The following CCSER1 variants were observed in gnomAD, a reference collection of about 807,000 sequenced individuals.
CCSER1 encodes the protein coiled-coil serine rich protein 1, also known as serine-rich coiled-coil domain-containing protein 1.
A neutral mutation model predicts 82.0 loss-of-function variants in CCSER1; 41 were observed. The ratio of observed to expected loss-of-function variants is 0.50; its 90% confidence interval spans 0.39 to 0.65. The LOEUF (loss-of-function observed/expected upper bound fraction) is 0.65, where lower values mean the gene tolerates loss of function less well. Among genes scored for constraint, CCSER1 ranks in the 30% least tolerant of loss-of-function variants. The pLI is 0.00. For synonymous variants in CCSER1, 414 were observed against 383.9 expected, an observed-to-expected ratio of 1.08 and a Z score of -0.92; for missense variants, 1,119 against 1,064.2, an observed-to-expected ratio of 1.05 and a Z score of -0.72.
chr4:91,593,823 T>C (rs2110346774), intron 10 of CCSER1, among the ~76,000 whole-genome samples: 1 of 152,320 alleles, frequency 6.6e-6, no homozygotes, highest in African/African-American at 2.4e-5. Context: ...GAATGTGGTT[T>C]ATTTGTTTTA....
chr4:90,807,669 T>C (rs1454342), intron 7 of CCSER1, among the ~76,000 whole-genome samples: 92,439 of 150,278 alleles, frequency 0.62, 28,761 homozygotes, highest in African/African-American at 0.71. Flanking sequence ...AAAAAACTTA[T>C]GAATATACTT....
intron 10 of CCSER1, among the ~76,000 whole-genome samples, chr4:91,314,990 T>C (rs1302779330): frequency 3.9e-5 from 6 of 151,900 alleles, no homozygotes; most frequent in African/African-American, 9.7e-5. Flanking sequence ...AGCCAGATAC[T>C]ACTGTGGGCA....
chr4:90,132,351 T>G (rs746763307), intron 1 of CCSER1, among the ~76,000 whole-genome samples: 1 of 152,168 alleles, frequency 6.6e-6, no homozygotes, highest in Non-Finnish European at 1.5e-5. Flanking sequence ...TGCTTTATAG[T>G]GAGTACATAC....
At chr4:90,712,516 T>C (rs1250301917) in intron 6 of CCSER1, among the ~76,000 whole-genome samples, 1 of 152,096 alleles carries the variant, frequency 6.6e-6, no homozygotes, top group Non-Finnish European at 1.5e-5. Flanking sequence ...TTTTATGATT[T>C]AAAATCTTTT....
chr4:91,588,007 G>T (rs1256976609), intron 10 of CCSER1, among the ~76,000 whole-genome samples: 1 of 151,298 alleles, frequency 6.6e-6, no homozygotes, highest in Non-Finnish European at 1.5e-5. Flanking sequence ...GAAAATAATT[G>T]ACAATAAAAT....
chr4:90,202,743 A>G (rs904647556), intron 1 of CCSER1, among the ~76,000 whole-genome samples: 1 of 152,330 alleles, frequency 6.6e-6, no homozygotes, highest in African/African-American at 2.4e-5. Flanking sequence ...TTCTGATTAC[A>G]TGGCAAGTCC....
At chr4:90,650,399 A>G (rs746705653) in intron 6 of CCSER1, among the ~76,000 whole-genome samples, 1 of 152,184 alleles carries the variant, frequency 6.6e-6, no homozygotes, top group Non-Finnish European at 1.5e-5. Context: ...AAGGAAAGGA[A>G]CATGTTAAGA....
intron 5 of CCSER1, among the ~76,000 whole-genome samples, chr4:90,564,969 C>A (rs1338433795): frequency 6.6e-6 from 1 of 151,818 alleles, no homozygotes; most frequent in Admixed American, 6.6e-5. Context: ...TGTCTCTAAC[C>A]TCATTCTTTT....
At chr4:90,280,332 C>A (rs747645645) in intron 1 of CCSER1, among the ~76,000 whole-genome samples, 1 of 151,872 alleles carries the variant, frequency 6.6e-6, no homozygotes, top group Non-Finnish European at 1.5e-5. Flanking sequence ...CCCTCCCTTC[C>A]TTCTTCTCTC....
chr4:91,148,278 A>G (rs936175486), intron 10 of CCSER1, among the ~76,000 whole-genome samples: 23 of 152,122 alleles, frequency 1.5e-4, no homozygotes, highest in African/African-American at 5.1e-4. Context: ...ACTCTCTTCA[A>G]TTGAGACTCA....
At chr4:90,623,255 C>T (rs917740361) in intron 5 of CCSER1, among the ~76,000 whole-genome samples, 3 of 151,856 alleles carry the variant, frequency 2.0e-5, no homozygotes, top group Non-Finnish European at 2.9e-5. Flanking sequence ...TGGATGGTCT[C>T]GATCTCCTGA....
rs1343202937 is a variant in CCSER1 at position 91,247,583 on chromosome 4, C to A, written c.2217+161589C>A. On this transcript the variant is annotated intron_variant, in intron 10 of 10. Transcript: ENST00000509176. ...TAATATTATTCTCCAATGAAAGGAA[C>A]CAGGGCCGGGCATGGTGGCTCATGC... 2.0e-5 allele frequency among the ~76,000 whole-genome samples: 3 copies of A among 152,066 alleles called. No individual in the cohort carries two copies. In the East Asian group the frequency reaches 5.9e-4, roughly 30 times the overall value.
chr4:91,346,731 A>C (rs1182525984), intron 10 of CCSER1, among the ~76,000 whole-genome samples: 2 of 152,182 alleles, frequency 1.3e-5, no homozygotes, highest in Non-Finnish European at 2.9e-5. Context: ...CCCTAATAGC[A>C]TACGATGTTG....
At chr4:90,893,045 C>G (rs535026623) in intron 8 of CCSER1, among the ~76,000 whole-genome samples, 2 of 152,008 alleles carry the variant, frequency 1.3e-5, no homozygotes, top group Non-Finnish European at 1.5e-5. Flanking sequence ...GCACCTACTT[C>G]GTTTGGCCTG....
chr4:90,963,017 C>G (rs2150379620), intron 9 of CCSER1, among the ~76,000 whole-genome samples: 1 of 152,090 alleles, frequency 6.6e-6, no homozygotes, highest in Middle Eastern at 3.4e-3. Context: ...AATCCGAATA[C>G]CATTATTCTT....
chr4:90,743,477 T>TA, intron 7 of CCSER1, among the ~76,000 whole-genome samples: 1 of 152,228 alleles, frequency 6.6e-6, no homozygotes, highest in Non-Finnish European at 1.5e-5. Context: ...ATAGTTTATT[T>TA]TACTTTAGTA....
intron 10 of CCSER1, among the ~76,000 whole-genome samples, chr4:91,254,653 T>C (rs1392163239): frequency 6.6e-6 from 1 of 152,134 alleles, no homozygotes; most frequent in Non-Finnish European, 1.5e-5. Flanking sequence ...ATGTATTTAA[T>C]AGCACTGAAC....
At chr4:91,095,979 T>C (rs909227752) in intron 10 of CCSER1, among the ~76,000 whole-genome samples, 11 of 152,148 alleles carry the variant, frequency 7.2e-5, no homozygotes, top group African/African-American at 2.7e-4. Flanking sequence ...GAGTAGCTGG[T>C]GGTGATCAGC....
chr4:91,192,961 C>T (rs1376496900), intron 10 of CCSER1, among the ~76,000 whole-genome samples: 1 of 152,160 alleles, frequency 6.6e-6, no homozygotes, highest in East Asian at 1.9e-4. Context: ...CAACCTCCCA[C>T]AGCCTTTACA....
Sources: allele counts gnomAD v4.1 joint callset (sites outside exome capture counted in the v4.1 genomes callset), GRCh38; gene constraint gnomAD v4.1.1; transcripts MANE v1.5; gene names NCBI Gene and HGNC (gene_info 2026-07-23, HGNC 2026-07-21).